Variants in ACCSL observed in about 807,000 individuals in gnomAD.
The protein encoded by ACCSL is probable inactive 1-aminocyclopropane-1-carboxylate synthase-like protein 2.
ACCSL carries 55 observed loss-of-function variants against 61.7 expected under a neutral mutation model. The ratio of observed to expected loss-of-function variants is 0.89; its 90% CI spans 0.72 to 1.12. ACCSL has a LOEUF of 1.12. ACCSL is among the 50% of genes most tolerant of loss of function. ACCSL has a pLI of 0.00. For synonymous variants in ACCSL, 258 were observed against 264.3 expected (o/e 0.98, Z 0.23); for missense variants, 632 against 698.0 (o/e 0.91, Z 1.07).
At chr11:44,038,051 C>T in the ACCSL span, among the ~76,000 whole-genome samples, 9,077 of 151,986 alleles carry the variant, frequency 0.06, 496 homozygotes, top group African/African-American at 0.14. Context: ...GAGAAGGGGA[C>T]TGAAAATAAA....
At chr11:43,960,985 T>C in the ACCSL span, among the ~76,000 whole-genome samples, 1 of 151,694 alleles carries the variant, frequency 6.6e-6, no homozygotes, top group African/African-American at 2.4e-5. Context: ...CACTTGGTGA[T>C]TTTTTTTGTA....
chr11:43,957,232 A>G, the ACCSL span, among the ~76,000 whole-genome samples: 2 of 152,174 alleles, frequency 1.3e-5, no homozygotes, highest in Non-Finnish European at 2.9e-5. Flanking sequence ...CAGAAGTTAC[A>G]AGCAAAAACA....
intron 1 of ACCSL, among the ~76,000 whole-genome samples, chr11:44,048,941 T>C (rs1021441161): frequency 1.3e-5 from 2 of 152,180 alleles, no homozygotes; most frequent in African/African-American, 4.8e-5. Flanking sequence ...TCTTAAAGGC[T>C]GAATCAGCCA....
the ACCSL span, among the ~76,000 whole-genome samples, chr11:43,963,249 C>A: frequency 6.6e-6 from 1 of 152,206 alleles, no homozygotes. Context: ...TGGGCTATGG[C>A]AGAGATTAAT....
the ACCSL span, among the ~76,000 whole-genome samples, chr11:43,951,585 G>A: frequency 6.6e-6 from 1 of 152,164 alleles, no homozygotes; most frequent in African/African-American, 2.4e-5. Context: ...AGAAAACCAG[G>A]AATAGCAATG....
chr11:44,050,018 G>A (rs1426133767), intron 1 of ACCSL, 44 bp from the exon 2 acceptor site: 4 of 1,613,570 alleles, frequency 2.5e-6, no homozygotes, highest in Admixed American at 3.3e-5. Context: ...TATGTAGGGT[G>A]GAGCAAGAGG....
the ACCSL span, among the ~76,000 whole-genome samples, chr11:43,936,095 AAAATGTT>A: frequency 6.6e-6 from 1 of 152,214 alleles, no homozygotes; most frequent in Non-Finnish European, 1.5e-5. Flanking sequence ...GGAGGAAAGA[AAAATGTT>A]GAAAGAGGTG....
chr11:44,015,236 A>G, the ACCSL span, among the ~76,000 whole-genome samples: 30 of 152,224 alleles, frequency 2.0e-4, no homozygotes, highest in South Asian at 4.1e-4. Context: ...CAAATACACT[A>G]TAAGGTTGCA....
At chr11:43,961,812 A>T in the ACCSL span, among the ~76,000 whole-genome samples, 14 of 152,254 alleles carry the variant, frequency 9.2e-5, no homozygotes, top group African/African-American at 3.1e-4. Flanking sequence ...CTTCAGCTAT[A>T]ACAGGAAATA....
At chr11:44,046,044 C>T (rs537760726), upstream of ACCSL, among the ~76,000 whole-genome samples, 1 of 152,268 alleles carries the variant, frequency 6.6e-6, no homozygotes, top group East Asian at 1.9e-4. Flanking sequence ...CCAAAGGAAT[C>T]TCACCTGGCC....
the ACCSL span, chr11:43,946,927 C>T: frequency 2.0e-5 from 3 of 152,444 alleles, no homozygotes; most frequent in South Asian, 4.1e-4. Flanking sequence ...CTGAACATCT[C>T]TGCCCTGCAC....
At chr11:44,041,884 T>G in the ACCSL span, among the ~76,000 whole-genome samples, 1 of 152,228 alleles carries the variant, frequency 6.6e-6, no homozygotes, top group South Asian at 2.1e-4. Context: ...TTAAATAAGT[T>G]GTCTAAATAA....
the ACCSL span, among the ~76,000 whole-genome samples, chr11:43,986,449 C>T: frequency 1.3e-5 from 2 of 152,268 alleles, no homozygotes; most frequent in Non-Finnish European, 2.9e-5. Context: ...GTCACGAAGC[C>T]CTGGGTTACC....
the ACCSL span, among the ~76,000 whole-genome samples, chr11:43,979,021 T>C: frequency 6.6e-6 from 1 of 152,138 alleles, no homozygotes. Flanking sequence ...ATGTTTCCAA[T>C]TGTTTTCCCT....
chr11:43,998,076 C>A, the ACCSL span, among the ~76,000 whole-genome samples: 1 of 152,156 alleles, frequency 6.6e-6, no homozygotes, highest in Non-Finnish European at 1.5e-5. Context: ...ATCTTTGGGC[C>A]AGTTTCTTAA....
chr11:43,942,952 G>A, the ACCSL span: 1 of 1,475,358 alleles, frequency 6.8e-7, no homozygotes, highest in Non-Finnish European at 9.0e-7. Context: ...CCAGTTACCA[G>A]GCGGTGATGC....
chr11:44,048,600 C>G, intron 1 of ACCSL, 60 bp downstream of exon 1: 1 of 1,486,792 alleles, frequency 6.7e-7, no homozygotes, highest in Non-Finnish European at 9.1e-7. Flanking sequence ...CTTGGATTTA[C>G]TGAGTCCTGG....
the ACCSL span, among the ~76,000 whole-genome samples, chr11:43,924,252 G>T: frequency 4.6e-5 from 7 of 152,238 alleles, no homozygotes; most frequent in Non-Finnish European, 7.3e-5. Context: ...TCTGGTGTCC[G>T]CAGTGGTCTG....
the ACCSL span, among the ~76,000 whole-genome samples, chr11:43,985,904 G>A: frequency 6.6e-6 from 1 of 151,928 alleles, no homozygotes; most frequent in South Asian, 2.1e-4. Flanking sequence ...GGCATGGTGG[G>A]GAGTATGCCT....
Sources: gnomAD v4.1 joint callset for allele counts (sites outside exome capture counted in the v4.1 genomes callset) on GRCh38, gnomAD v4.1.1 for gene constraint, MANE v1.5 for transcripts, NCBI Gene and HGNC (gene_info 2026-07-23, HGNC 2026-07-21) for gene names.